The following CUBN variants were observed in gnomAD, a reference collection of about 807,000 sequenced individuals.
The protein encoded by CUBN is 460 kDa receptor.
Under a neutral mutation model 405.3 loss-of-function variants are expected in CUBN, and 282 were observed. The observed-to-expected ratio is 0.70, with a 90% CI of 0.63 to 0.77. The LOEUF (loss-of-function observed/expected upper bound fraction) is 0.77, where lower values mean the gene tolerates loss of function less well. CUBN is among the 30% of genes least tolerant of loss of function. The pLI, the probability that CUBN is intolerant of heterozygous loss-of-function variation, is 0.00. For synonymous variants in CUBN, 1,684 were observed against 1,617.0 expected, an observed-to-expected ratio of 1.04 and a Z score of -0.99; for missense variants, 4,514 against 4,475.2, an observed-to-expected ratio of 1.01 and a Z score of -0.25.
chr10:17,059,857 A>G (rs1835465581), intron 22 of CUBN, among the ~76,000 whole-genome samples: 1 of 152,214 alleles, frequency 6.6e-6, no homozygotes, highest in South Asian at 2.1e-4. Flanking sequence ...GGATATTGAG[A>G]ATCATATTTT....
At chr10:16,905,759 G>A (rs913513502) in intron 50 of CUBN, among the ~76,000 whole-genome samples, 7 of 152,092 alleles carry the variant, frequency 4.6e-5, no homozygotes, top group South Asian at 2.1e-4. Flanking sequence ...CTTTTGGATC[G>A]TGTGTACCTA....
At chr10:16,840,178 C>A in intron 62 of CUBN, 152 bp downstream of exon 62, 1 of 677,552 alleles carries the variant, frequency 1.5e-6, no homozygotes, top group Non-Finnish European at 2.6e-6. Context: ...ACATATGTAA[C>A]AAACTTGCAC....
At chr10:16,858,331 G>A (rs1028795465) in intron 59 of CUBN, among the ~76,000 whole-genome samples, 8 of 151,932 alleles carry the variant, frequency 5.3e-5, no homozygotes, top group African/African-American at 7.2e-5. Context: ...ATTTATTTAC[G>A]TTTTTTTAGG....
At chr10:17,092,679 G>A (rs544211730) in intron 14 of CUBN, among the ~76,000 whole-genome samples, 1 of 152,136 alleles carries the variant, frequency 6.6e-6, no homozygotes, top group South Asian at 2.1e-4. Flanking sequence ...CAAATGCCAT[G>A]GTAACATCAG....
chr10:16,967,614 A>G (rs926568732), intron 31 of CUBN, among the ~76,000 whole-genome samples: 1 of 152,056 alleles, frequency 6.6e-6, no homozygotes, highest in African/African-American at 2.4e-5. Context: ...GATCATCCTC[A>G]AGTATCAGAT....
chr10:17,009,700 T>C (rs1834127129), intron 28 of CUBN, among the ~76,000 whole-genome samples: 1 of 152,196 alleles, frequency 6.6e-6, no homozygotes, highest in South Asian at 2.1e-4. Flanking sequence ...ATCCTGTCTC[T>C]GGATATTGGA....
At chr10:17,016,698 G>C (rs928169098) in intron 28 of CUBN, among the ~76,000 whole-genome samples, 1 of 152,088 alleles carries the variant, frequency 6.6e-6, no homozygotes, top group Non-Finnish European at 1.5e-5. Flanking sequence ...GGGGGTTTTT[G>C]TGGTCCCTTG....
intron 27 of CUBN, among the ~76,000 whole-genome samples, chr10:17,035,368 A>C (rs940898521): frequency 2.1e-4 from 32 of 152,214 alleles, no homozygotes; most frequent in African/African-American, 7.0e-4. Flanking sequence ...GGCTGTGACT[A>C]GGGCAAATGA....
At chr10:16,857,860 A>G (rs1365901455) in intron 59 of CUBN, among the ~76,000 whole-genome samples, 1 of 152,216 alleles carries the variant, frequency 6.6e-6, no homozygotes. Context: ...GAGACTGGAA[A>G]GGAAGAAATA....
chr10:16,942,641 T>C (rs1276186054), intron 36 of CUBN, among the ~76,000 whole-genome samples: 2 of 152,128 alleles, frequency 1.3e-5, no homozygotes, highest in Non-Finnish European at 2.9e-5. Flanking sequence ...GAATGTAAAA[T>C]AGTCCATCCC....
intron 31 of CUBN, among the ~76,000 whole-genome samples, chr10:16,955,143 G>C (rs774982501): frequency 2.6e-5 from 4 of 152,024 alleles, no homozygotes; most frequent in Non-Finnish European, 4.4e-5. Flanking sequence ...GGCTGAGGCG[G>C]GTGGATCACC....
chr10:17,100,055 T>C lies in CUBN; in HGVS notation c.1715A>G (p.His572Arg). 6.2e-7 allele frequency: 1 copy of C among 1,614,034 alleles called. No homozygotes were observed. The highest frequency in any genetic ancestry group is 8.5e-7 in the Non-Finnish European group (1 of 1,179,944). ...NALYFHLYSEHLRNGRGFTVR... is the reference protein window; with the variant it reads ...NALYFHLYSERLRNGRGFTVR... ...TGTAAAGCCTCTCCCATTTCTTAAA[T>C]GTTCAGAATAGAGATGAAAATAGAG... The change falls in exon 14 of 67, where the codon CAT becomes CGT. Residue 572 changes from histidine (H) to arginine (R), a missense_variant. Coordinates refer to ENST00000377833, the MANE Select transcript of CUBN (RefSeq NM_001081.4).
intron 34 of CUBN, 73 bp downstream of exon 34, chr10:16,949,928 G>A: frequency 9.2e-7 from 1 of 1,084,972 alleles, no homozygotes; most frequent in Non-Finnish European, 1.4e-6. Context: ...TAGAATGGCA[G>A]CCTATAAATA....
intron 48 of CUBN, among the ~76,000 whole-genome samples, chr10:16,911,431 T>C (rs1841730918): frequency 6.6e-6 from 1 of 151,946 alleles, no homozygotes; most frequent in Non-Finnish European, 1.5e-5. Context: ...TCTTCTAGAG[T>C]AGGATGTGGA....
intron 59 of CUBN, among the ~76,000 whole-genome samples, chr10:16,864,948 CTTTTTTTTTTTT>C (rs35045969): frequency 4.0e-4 from 20 of 50,056 alleles, no homozygotes; most frequent in Non-Finnish European, 6.1e-4. Context: ...CCATGCCCAG[CTTTTTTTTTTTT>C]TTTTTTTTTT....
chr10:16,836,101 G>C, intron 63 of CUBN, 134 bp downstream of exon 63: 1 of 863,116 alleles, frequency 1.2e-6, no homozygotes, highest in Admixed American at 2.0e-5. Context: ...TTCTAGTTAA[G>C]AGAGGGATGT....
chr10:16,829,031 C>T lies in CUBN; in HGVS notation c.10538G>A (p.Gly3513Glu), dbSNP rs754280146. Residue 3513 changes from glycine to glutamate, a missense_variant, in exon 66 of 67, where the codon GGA becomes GAA. Transcript: ENST00000377833. ...IWTSSPSGCG[G>E]TLYGDRGSFT... ...TGAGCCTCTGTCTCCATAAAGAGTT[C>T]CACCACATCCTGCAAGGAAAACAGG... The T allele has an allele frequency of 5.5e-5, 88 of 1,613,450 alleles. 1 individual carries two copies. Among genetic ancestry groups the T allele is most frequent in the Non-Finnish European group, 2.5e-5 (30 of 1,179,642 alleles).
chr10:17,003,437 A>G (rs188872497), intron 28 of CUBN, among the ~76,000 whole-genome samples: 9 of 152,338 alleles, frequency 5.9e-5, no homozygotes, highest in African/African-American at 2.2e-4. Context: ...CATTGCCAAC[A>G]TCATACTTCC....
rs572111072 is a variant in CUBN at position 17,094,193 on chromosome 10, C to T, written c.1765+5812G>A. ...GGTGGAGAAAAAGACACATTATCTT[C>T]AGGAGAACAACAAGAATTACTGCTG... is the stretch of plus-strand genomic sequence containing the variant. On this transcript the variant is annotated intron_variant, in intron 14 of 66. Coordinates refer to ENST00000377833, the MANE Select transcript of CUBN (RefSeq NM_001081.4). Among the ~76,000 whole-genome samples the T allele has an allele frequency of 5.3e-5, 8 of 152,108 alleles. No homozygotes were observed. In the South Asian group the frequency reaches 1.7e-3, roughly 32 times the overall value.
Sources: allele counts gnomAD v4.1 joint callset (sites outside exome capture counted in the v4.1 genomes callset), GRCh38; gene constraint gnomAD v4.1.1; transcripts MANE v1.5; gene names NCBI Gene and HGNC (gene_info 2026-07-23, HGNC 2026-07-21).